Variants in PTCH1 observed in about 807,000 individuals in gnomAD.
PTCH1 encodes the protein patched 1.
A neutral mutation model predicts 144.6 loss-of-function variants in PTCH1; 14 were observed. That is an observed-to-expected ratio of 0.10 (90% confidence interval 0.06 to 0.15). The LOEUF is 0.15. Ranked by LOEUF, PTCH1 falls within the 10% of genes least tolerant of loss-of-function variation. PTCH1 has a pLI of 1.00. For missense variants in PTCH1, 1,623 were observed against 1,948.3 expected, an observed-to-expected ratio of 0.83 and a Z score of 3.14; for synonymous variants, 833 against 793.6, an observed-to-expected ratio of 1.05 and a Z score of -0.83.
chr9:95,488,952 G>A (rs1281870769), intron 2 of PTCH1, among the ~76,000 whole-genome samples: 1 of 152,180 alleles, frequency 6.6e-6, no homozygotes, highest in Non-Finnish European at 1.5e-5. Context: ...AGGGAGAGAA[G>A]GGAGGCAAGT....
rs1010108432 is a variant in PTCH1 at position 95,467,527 on chromosome 9, T to G, written c.2251-102A>C. ...TAATACCTTGTTTTCACCACCACAC[T>G]TAAACTGATTTATCTTGTAGGGGTT... On this transcript the variant is annotated intron_variant, in intron 14 of 23. Coordinates refer to ENST00000331920, the MANE Select transcript of PTCH1 (RefSeq NM_000264.5). The G allele has an allele frequency of 4.4e-6, 5 of 1,129,750 alleles. No homozygotes were observed. The African/African-American group carries it at 6.2e-5, about 14-fold the overall frequency. The allele number at this position is 1,129,750 out of a possible 1,614,324, so 70.0% of individuals were successfully genotyped here. A position where few individuals can be genotyped will look rare whatever the true frequency, so the allele number is the denominator to read the frequency against.
chr9:95,456,290 C>T lies in PTCH1; in HGVS notation c.3292G>A (p.Val1098Ile), dbSNP rs748726158. ...ASVGIGVEFTVHVALAFLTAI... is the reference protein window; with the variant it reads ...ASVGIGVEFTIHVALAFLTAI... ...GTCTCCCATACCAAAGCAACGTGAACGGTGAACTCCACTCCTATGCCAACA... is the reference window on the plus strand; with the variant it reads ...GTCTCCCATACCAAAGCAACGTGAATGGTGAACTCCACTCCTATGCCAACA... Residue 1098 changes from valine to isoleucine, a missense_variant, in exon 19 of 24, where the codon GTT (valine) becomes ATT (isoleucine). Val to Ile is a conservative substitution (Grantham distance 29). Transcript: ENST00000331920. The T allele has an allele frequency of 8.7e-6, 14 of 1,613,762 alleles. No individual in the cohort carries two copies. Among genetic ancestry groups the T allele is most frequent in the South Asian group, 1.1e-5 (1 of 91,090 alleles).
At chr9:95,489,793 C>T (rs1182829883) in intron 2 of PTCH1, among the ~76,000 whole-genome samples, 1 of 149,794 alleles carries the variant, frequency 6.7e-6, no homozygotes, top group African/African-American at 2.5e-5. Flanking sequence ...GTGTGGTAGG[C>T]TATGGATAAT....
rs547602299 is a variant in PTCH1 at position 95,506,564 on chromosome 9, C to T, written c.237G>A (p.Leu79=). 1.2e-6 allele frequency: 2 copies of T among 1,613,060 alleles called. No homozygotes were observed. Among genetic ancestry groups the T allele is most frequent in the East Asian group, 4.5e-5 (2 of 44,796 alleles). The change falls in exon 2 of 24, where the codon CTG becomes CTA. Residue 79 remains leucine (L), a synonymous_variant. Transcript: ENST00000331920. The stretch of plus-strand genomic sequence containing the variant: ...ATAAGAGTCTCTGAAACTTCGCTCT[C>T]AGCCACAGCGGCGCTTTCCGGCCAG... ...KATGRKAPLW[L]RAKFQRLLFK... is the part of the protein sequence containing the mutation.
chr9:95,509,569 GTCT>G (rs1366798095), upstream of PTCH1, among the ~76,000 whole-genome samples: 2 of 152,234 alleles, frequency 1.3e-5, no homozygotes, highest in Admixed American at 1.3e-4. Context: ...TTTCAACAGT[GTCT>G]TCTTTTTGTG....
At chr9:95,487,354 G>C (rs936651365) in intron 2 of PTCH1, among the ~76,000 whole-genome samples, 1 of 152,208 alleles carries the variant, frequency 6.6e-6, no homozygotes, top group African/African-American at 2.4e-5. Flanking sequence ...AAAATGCCAG[G>C]GGGCATTGCC....
chr9:95,464,155 C>T (rs1162780776), intron 15 of PTCH1, among the ~76,000 whole-genome samples: 1 of 152,120 alleles, frequency 6.6e-6, no homozygotes, highest in East Asian at 1.9e-4. Flanking sequence ...AAGATGAATA[C>T]GAAACAGTCA....
In PTCH1 at chr9:95,477,917, C is replaced by T. The variant is rs909794342; in HGVS notation, c.1347+138G>A. ...GCTTTACACGACCACTTTTAAACCA[C>T]TGTGAAGCCACGCTCTCTCTGTCCT... is the stretch of plus-strand genomic sequence containing the variant. On this transcript the variant is annotated intron_variant, in intron 9 of 23. Transcript: ENST00000331920. 28 of 1,516,068 alleles carry T rather than the reference C, an allele frequency of 1.8e-5. No individual in the cohort carries two copies. The African/African-American group carries it at 3.7e-4, about 20-fold the overall frequency. The allele number at this position is 1,516,068 out of a possible 1,614,324, so 93.9% of individuals were successfully genotyped here.
At chr9:95,468,492 G>A (rs1364400510) in intron 14 of PTCH1, among the ~76,000 whole-genome samples, 2 of 152,228 alleles carry the variant, frequency 1.3e-5, no homozygotes, top group African/African-American at 2.4e-5. Flanking sequence ...GCCACCGCAA[G>A]TGGCAATAAT....
chr9:95,474,172 G>A (rs935450767), intron 12 of PTCH1: 2 of 400,138 alleles, frequency 5.0e-6, no homozygotes, highest in Admixed American at 2.9e-5. Context: ...GAATGAGAGA[G>A]AAAAGAAGAA....
chr9:95,476,881 G>T lies in PTCH1; in HGVS notation c.1504-24C>A, dbSNP rs572732873. On this transcript the variant is annotated intron_variant, in intron 10 of 23. Transcript: ENST00000331920. This position sits in a 1 kb window ranked among gnomAD's most constrained non-coding sequence, Gnocchi z 4.6. The stretch of plus-strand genomic sequence containing the variant: ...ACCTACAGCAAAAACAGAGGATGGT[G>T]GCATTAGACATGCGAGATGCAATTC... 6 of 1,602,450 alleles carry T rather than the reference G, an allele frequency of 3.7e-6. No homozygotes were observed. In the South Asian group the frequency reaches 4.4e-5, roughly 12 times the overall value.
intron 22 of PTCH1, among the ~76,000 whole-genome samples, chr9:95,448,469 G>C (rs1838155282): frequency 6.6e-6 from 1 of 152,186 alleles, no homozygotes; most frequent in African/African-American, 2.4e-5. Flanking sequence ...GGGGCTCCCA[G>C]GCTCCTGGTG....
In PTCH1 at chr9:95,459,650, G is replaced by A. The variant is rs1839280193; in HGVS notation, c.2837C>T (p.Pro946Leu). ...GTCGGCTTTGTCGTGGACCCATTCT[G>A]GTCGGTGTGGCCGGATGTTGGCCTG... ...ASQANIRPHR[P>L]EWVHDKADYM... Residue 946 changes from proline (P) to leucine (L), a missense_variant, in exon 17 of 24, where the codon CCA (proline) becomes CTA (leucine). Pro to Leu is a moderately conservative substitution (Grantham distance 98). Transcript: ENST00000331920. The A allele has an allele frequency of 3.1e-6, 5 of 1,614,058 alleles. No homozygotes were observed. In the East Asian group the frequency reaches 1.1e-4, roughly 36 times the overall value.
Position 95,469,076 on chromosome 9 carries a change from G to T in PTCH1, c.1925C>A (p.Pro642Gln), listed in dbSNP as rs762371629. The T allele has an allele frequency of 1.9e-6, 3 of 1,614,078 alleles. No individual in the cohort carries two copies. Among genetic ancestry groups the T allele is most frequent in the Admixed American group, 3.3e-5 (2 of 60,026 alleles). Residue 642 changes from proline (P) to glutamine (Q), a missense_variant, in exon 14 of 24, where the codon CCA (proline) becomes CAA (glutamine). By Grantham distance (76) the Pro-to-Gln change is moderately conservative. Around this residue, in one of 7 missense-constraint regions of PTCH1, gnomAD observed 179 missense variants for 165.7 expected, o/e 1.08. Transcript: ENST00000331920. ...AAAGCTGTGGCTGCTGTAGGGAGGTGGGGGGCTGTAGCGGGTATTGTCGTG... is the reference window on the plus strand; with the variant it reads ...AAAGCTGTGGCTGCTGTAGGGAGGTTGGGGGCTGTAGCGGGTATTGTCGTG... The part of the protein sequence containing the change: ...DTHDNTRYSP[P>Q]PPYSSHSFAH...
At chr9:95,473,417 A>C (rs1356067537) in intron 12 of PTCH1, among the ~76,000 whole-genome samples, 2 of 152,194 alleles carry the variant, frequency 1.3e-5, no homozygotes, top group African/African-American at 2.4e-5. Flanking sequence ...TCATCAATGG[A>C]AAGAGAAGCT....
At chr9:95,489,941 C>A (rs1318740419) in intron 2 of PTCH1, among the ~76,000 whole-genome samples, 1 of 151,584 alleles carries the variant, frequency 6.6e-6, no homozygotes, top group Non-Finnish European at 1.5e-5. Flanking sequence ...GCTGGGACTA[C>A]AGGCGCCCGC....
At chr9:95,447,553 A>T in intron 22 of PTCH1, 102 bp from the exon 23 acceptor site, 1 of 1,306,282 alleles carries the variant, frequency 7.7e-7, no homozygotes, top group Non-Finnish European at 1.0e-6. Context: ...AGACTCAGTC[A>T]ACCCTGGGGA....
rs764579762 is a variant in PTCH1, at chr9:95,479,969, C to T, written c.1067G>A (p.Ser356Asn). 5 of 1,614,134 alleles carry T rather than the reference C, an allele frequency of 3.1e-6. No individual in the cohort carries two copies. The Admixed American group carries it at 6.7e-5, about 22-fold the overall frequency. Residue 356 changes from serine to asparagine, a missense_variant and splice_region_variant, in exon 7 of 24, where the codon AGC becomes AAC. Physicochemically the swap from Ser to Asn is conservative, Grantham distance 46 (BLOSUM62 1). Transcript: ENST00000331920. ...TVKNSTGKLV[S>N]AHALQTMFQL... is the part of the protein sequence containing the mutation. ...AGATTGTCCTCGGGAGCTGGCTTAC[C>T]TGACGAGTTTTCCAGTGCTGTTCTT... is the stretch of plus-strand genomic sequence containing the variant.
At chr9:95,491,771 C>T (rs1842424575) in intron 2 of PTCH1, among the ~76,000 whole-genome samples, 1 of 152,150 alleles carries the variant, frequency 6.6e-6, no homozygotes, top group African/African-American at 2.4e-5. Context: ...TCAAATGCTC[C>T]AAAACCTTCC....
Sources: gnomAD v4.1 joint callset for allele counts (sites outside exome capture counted in the v4.1 genomes callset) on GRCh38, gnomAD v4.1.1 for gene constraint, gnomAD v4.1.1 regional missense constraint, Gnocchi (gnomAD v3.1) non-coding constraint, MANE v1.5 for transcripts, NCBI Gene and HGNC (gene_info 2026-07-23, HGNC 2026-07-21) for gene names.